The following ARHGAP24 variants were observed in gnomAD, a reference collection of about 807,000 sequenced individuals.
ARHGAP24 encodes Rho GTPase activating protein 24.
ARHGAP24 carries 50 observed loss-of-function variants against 76.4 expected under a neutral mutation model. The ratio of observed to expected loss-of-function variants is 0.65; its 90% confidence interval spans 0.52 to 0.83. The LOEUF (loss-of-function observed/expected upper bound fraction) is 0.83. ARHGAP24 is among the 40% of genes least tolerant of loss of function. The probability of loss-of-function intolerance (pLI) is 0.00; values close to 1 mark genes in which losing one functional copy is unlikely to be tolerated. For missense variants in ARHGAP24, 930 were observed against 914.2 expected (o/e 1.02, Z -0.22); for synonymous variants, 345 against 323.3 (o/e 1.07, Z -0.72).
At chr4:85,710,127 G>A (rs528425455) in intron 2 of ARHGAP24, among the ~76,000 whole-genome samples, 11 of 151,932 alleles carry the variant, frequency 7.2e-5, no homozygotes, top group African/African-American at 2.6e-4. Flanking sequence ...ATACTACACA[G>A]CGAAAATAGC....
chr4:85,780,670 A>T (rs1727511811), intron 3 of ARHGAP24, among the ~76,000 whole-genome samples: 1 of 152,206 alleles, frequency 6.6e-6, no homozygotes, highest in Non-Finnish European at 1.5e-5. Context: ...TTTATAAAAA[A>T]TTATGGACGA....
intron 2 of ARHGAP24, among the ~76,000 whole-genome samples, chr4:85,674,575 A>G (rs575917167): frequency 6.6e-6 from 1 of 152,216 alleles, no homozygotes; most frequent in Non-Finnish European, 1.5e-5. Context: ...TGTGCTTAAC[A>G]TCACACAGTT....
intron 2 of ARHGAP24, among the ~76,000 whole-genome samples, chr4:85,631,608 C>T (rs900152767): frequency 1.1e-4 from 16 of 152,060 alleles, no homozygotes; most frequent in African/African-American, 3.6e-4. Context: ...TAAATAGATT[C>T]AATGTTCACT....
At chr4:85,552,032 C>T (rs1166625860) in intron 1 of ARHGAP24, among the ~76,000 whole-genome samples, 2 of 152,038 alleles carry the variant, frequency 1.3e-5, no homozygotes, top group South Asian at 2.1e-4. Flanking sequence ...AAGTTCAGCT[C>T]TGATTTTGGC....
intron 3 of ARHGAP24, among the ~76,000 whole-genome samples, chr4:85,828,528 TAA>T (rs67257658): frequency 1.1e-3 from 162 of 146,136 alleles, no homozygotes; most frequent in Non-Finnish European, 1.7e-3. Context: ...TTTTTTTTTT[TAA>T]AAAAAGCCAA....
At chr4:85,838,810 C>T (rs1730434362) in intron 3 of ARHGAP24, among the ~76,000 whole-genome samples, 1 of 152,138 alleles carries the variant, frequency 6.6e-6, no homozygotes, top group South Asian at 2.1e-4. Flanking sequence ...CTCCCTCCCC[C>T]AAGCTAACTT....
At chr4:85,643,683 T>A (rs12503598) in intron 2 of ARHGAP24, among the ~76,000 whole-genome samples, 41,544 of 152,100 alleles carry the variant, frequency 0.27, 7,580 homozygotes, top group East Asian at 0.84. Context: ...ATGTGTTTTT[T>A]TTTCCACTCA....
intron 4 of ARHGAP24, chr4:85,931,048 T>C (rs766986929): frequency 2.1e-5 from 34 of 1,606,762 alleles, no homozygotes; most frequent in Non-Finnish European, 2.9e-5. Flanking sequence ...GAAAGGTAGG[T>C]AGATAATATG....
At chr4:85,585,783 A>G (rs546862709) in intron 2 of ARHGAP24, among the ~76,000 whole-genome samples, 15 of 152,320 alleles carry the variant, frequency 9.8e-5, no homozygotes, top group African/African-American at 3.4e-4. Context: ...TAATGTATTA[A>G]AAGTCCAGTC....
chr4:85,816,611 C>T (rs1017585748), intron 3 of ARHGAP24, among the ~76,000 whole-genome samples: 2 of 152,082 alleles, frequency 1.3e-5, no homozygotes, highest in African/African-American at 4.8e-5. Context: ...AAGCAAATAA[C>T]TATGATCGTA....
chr4:85,966,156 A>T (rs971352447), intron 5 of ARHGAP24, among the ~76,000 whole-genome samples: 28 of 152,234 alleles, frequency 1.8e-4, no homozygotes, highest in Middle Eastern at 6.8e-3. Flanking sequence ...CAAGCTTTTT[A>T]GTGTCTCATT....
At chr4:85,627,252 G>A (rs1720991165) in intron 2 of ARHGAP24, among the ~76,000 whole-genome samples, 1 of 151,560 alleles carries the variant, frequency 6.6e-6, no homozygotes, top group South Asian at 2.1e-4. Flanking sequence ...TGGGTTTTTG[G>A]TGTGAATGTC....
intron 1 of ARHGAP24, among the ~76,000 whole-genome samples, chr4:85,566,118 T>C (rs571185654): frequency 1.6e-4 from 24 of 152,230 alleles, no homozygotes; most frequent in Non-Finnish European, 4.4e-5. Context: ...CACAGGTTAA[T>C]TTCTCAGTTC....
At chr4:85,675,078 CACCTCTGGTG>C (rs1722931699) in intron 2 of ARHGAP24, among the ~76,000 whole-genome samples, 1 of 152,140 alleles carries the variant, frequency 6.6e-6, no homozygotes, top group Non-Finnish European at 1.5e-5. Flanking sequence ...TAGGAGAGGA[CACCTCTGGTG>C]AGGAAAAAAC....
chr4:85,881,355 T>A (rs1416030286), intron 3 of ARHGAP24, among the ~76,000 whole-genome samples: 1 of 152,236 alleles, frequency 6.6e-6, no homozygotes, highest in Non-Finnish European at 1.5e-5. Flanking sequence ...AGGGGACTAC[T>A]GTATGTGTGT....
At chr4:85,905,072 T>A (rs1227962575) in intron 3 of ARHGAP24, among the ~76,000 whole-genome samples, 1 of 132,872 alleles carries the variant, frequency 7.5e-6, no homozygotes, top group East Asian at 2.7e-4. Flanking sequence ...TTAAAGCAAT[T>A]TGAATTACAT....
At chr4:85,877,117 T>A (rs1732979987) in intron 3 of ARHGAP24, among the ~76,000 whole-genome samples, 1 of 152,222 alleles carries the variant, frequency 6.6e-6, no homozygotes, top group Non-Finnish European at 1.5e-5. Flanking sequence ...TCTTTTTGTT[T>A]TCTTATAATT....
At chr4:85,565,061 AT>A (rs1726784661) in intron 1 of ARHGAP24, among the ~76,000 whole-genome samples, 1 of 149,044 alleles carries the variant, frequency 6.7e-6, no homozygotes, top group African/African-American at 2.5e-5. Context: ...ATGCTGTCTC[AT>A]TTCTTTTGTA....
intron 5 of ARHGAP24, among the ~76,000 whole-genome samples, chr4:85,943,404 C>A (rs554114487): frequency 3.3e-5 from 5 of 152,136 alleles, no homozygotes; most frequent in East Asian, 1.9e-4. Context: ...TAGATGGCAC[C>A]TTTTCACTGT....
Sources: gnomAD v4.1 joint callset for allele counts (sites outside exome capture counted in the v4.1 genomes callset) on GRCh38, gnomAD v4.1.1 for gene constraint, MANE v1.5 for transcripts, NCBI Gene and HGNC (gene_info 2026-07-23, HGNC 2026-07-21) for gene names.